RDH8: variants seen among roughly 807,000 people sequenced by gnomAD.
RDH8 encodes the protein photoreceptor outer segment all-trans retinol dehydrogenase.
Under a neutral mutation model 22.3 loss-of-function variants are expected in RDH8, and 14 were observed. The ratio of observed to expected loss-of-function variants is 0.63; its 90% confidence interval spans 0.42 to 0.98. RDH8 has a LOEUF of 0.98. Ranked by LOEUF, RDH8 falls within the 50% of genes least tolerant of loss-of-function variation. The probability of loss-of-function intolerance (pLI) is 0.00; values close to 1 mark genes in which losing one functional copy is unlikely to be tolerated. For missense variants in RDH8, 389 were observed against 409.8 expected (o/e 0.95, Z 0.44); for synonymous variants, 175 against 171.7 (o/e 1.02, Z -0.15).
rs1236748555 is a variant in RDH8, at chr19:10,021,973, G to T, written c.*224G>T. 3 of 580,366 alleles carry T rather than the reference G, an allele frequency of 5.2e-6. No individual in the cohort carries two copies. The highest frequency in any genetic ancestry group is 9.0e-6 in the Non-Finnish European group (3 of 332,502). 36.0% of individuals were successfully genotyped at this position (580,366 alleles called of 1,614,324 possible). A position where few individuals can be genotyped will look rare whatever the true frequency, so the allele number is the denominator to read the frequency against. ...GAGAGGGACCCTGGGAACTTGGCCT[G>T]GGAAGCCCAGAGCAGGAAGCCACAG... On this transcript the variant is annotated 3_prime_UTR_variant, in exon 6 of 6. Coordinates refer to ENST00000591589, the MANE Select transcript of RDH8 (RefSeq NM_015725.4).
intron 1 of RDH8, among the ~76,000 whole-genome samples, chr19:10,015,452 C>CAATA (rs988179209): frequency 2.6e-5 from 4 of 151,112 alleles, no homozygotes; most frequent in African/African-American, 2.4e-5. Context: ...GACTCTGTCT[C>CAATA]AATAAATAAA....
At chr19:10,017,773 G>A (rs1305343744) in intron 2 of RDH8, among the ~76,000 whole-genome samples, 1 of 151,516 alleles carries the variant, frequency 6.6e-6, no homozygotes, top group Non-Finnish European at 1.5e-5. Flanking sequence ...CGCCTCCTGA[G>A]TAGCTGGGAT....
Position 10,018,795 on chromosome 19 carries a change from T to C in RDH8, c.327T>C (p.Asn109=), listed in dbSNP as rs1208676840. The change falls in exon 3 of 6, where the codon AAT becomes AAC. Residue 109 remains asparagine, a synonymous_variant. Transcript: ENST00000591589. The stretch of plus-strand genomic sequence containing the variant: ...GGCTCAGCCTTGCTGCCATGCAGAA[T>C]GTCTTTGACACCAACTTTTTCGGAG... ...LEGLSLAAMQ[N]VFDTNFFGAV... is the part of the protein sequence containing the mutation. 4 of 1,614,020 alleles carry C rather than the reference T, an allele frequency of 2.5e-6. No individual in the cohort carries two copies. The highest frequency in any genetic ancestry group is 2.2e-5 in the East Asian group (1 of 44,874).
chr19:10,014,062 A>G (rs1362749940), intron 1 of RDH8, among the ~76,000 whole-genome samples: 1 of 152,108 alleles, frequency 6.6e-6, no homozygotes, highest in Non-Finnish European at 1.5e-5. Context: ...TTACTGAGAT[A>G]AGCTTCTTAA....
chr19:10,018,654 G>C (rs2087636963), intron 2 of RDH8, 77 bp from the exon 3 acceptor site: 2 of 1,205,356 alleles, frequency 1.7e-6, no homozygotes, highest in South Asian at 3.1e-5. Context: ...ACGGGGTGAG[G>C]TGCTTCAGGG....
chr19:10,015,971 T>A (rs1357722299), intron 1 of RDH8, among the ~76,000 whole-genome samples: 1 of 151,518 alleles, frequency 6.6e-6, no homozygotes, highest in East Asian at 1.9e-4. Context: ...AAAAAATATA[T>A]ATATATATAT....
chr19:10,020,628 C>T (rs2087651018), intron 3 of RDH8, 81 bp from the exon 4 acceptor site: 1 of 836,130 alleles, frequency 1.2e-6, no homozygotes, highest in Non-Finnish European at 2.0e-6. Context: ...TGCTCTGTCT[C>T]CCAAAGACCC....
In RDH8 at chr19:10,018,235, T is replaced by G. The variant is rs78789198; in HGVS notation, c.263-496T>G. Among the ~76,000 whole-genome samples, 406 of 152,336 alleles carry G rather than the reference T, an allele frequency of 2.7e-3. 1 individual carries two copies. Among genetic ancestry groups the G allele is most frequent in the African/African-American group, 9.4e-3 (391 of 41,568 alleles). On this transcript the variant is annotated intron_variant, in intron 2 of 5. Coordinates refer to ENST00000591589, the MANE Select transcript of RDH8 (RefSeq NM_015725.4). ...CTGAGATTACAGGCATGAGCCACCATGCCCAGCTCAAAAATCAATTTTTTT... is the reference window on the plus strand; with the variant it reads ...CTGAGATTACAGGCATGAGCCACCAGGCCCAGCTCAAAAATCAATTTTTTT...
intron 1 of RDH8, among the ~76,000 whole-genome samples, chr19:10,015,507 T>A (rs1294114566): frequency 6.6e-6 from 1 of 151,966 alleles, no homozygotes; most frequent in African/African-American, 2.4e-5. Context: ...GCAGTGCCTA[T>A]AATCCCAGCT....
intron 1 of RDH8, 21 bp from the exon 2 acceptor site, chr19:10,017,036 G>A: frequency 1.3e-6 from 2 of 1,527,180 alleles, no homozygotes; most frequent in Non-Finnish European, 8.8e-7. Flanking sequence ...GCCTGTCCCT[G>A]CTTTACTCTC....
Position 10,013,579 on chromosome 19 carries a change from G to A in RDH8, c.82G>A (p.Asp28Asn), listed in dbSNP as rs1466359719. ...GGAACTTGCAGTGCAACTGGCCCAT[G>A]ACCCCAAGAAGCGCTACCAGGGTAA... ...GLELAVQLAH[D>N]PKKRYQVVAT... Residue 28 changes from aspartate (D) to asparagine (N), a missense_variant, in exon 1 of 6, where the codon GAC becomes AAC. Coordinates refer to ENST00000591589, the MANE Select transcript of RDH8 (RefSeq NM_015725.4). The A allele has an allele frequency of 1.2e-6, 2 of 1,614,008 alleles. No homozygotes were observed. Among genetic ancestry groups the A allele is most frequent in the Non-Finnish European group, 1.7e-6 (2 of 1,180,036 alleles).
intron 1 of RDH8, among the ~76,000 whole-genome samples, chr19:10,015,741 G>A (rs1483207564): frequency 1.3e-5 from 2 of 151,738 alleles, no homozygotes; most frequent in Non-Finnish European, 2.9e-5. Context: ...CCTGAGGTTC[G>A]AGACCAGGCT....
chr19:10,020,911 C>T, intron 4 of RDH8, 109 bp downstream of exon 4: 1 of 806,926 alleles, frequency 1.2e-6, no homozygotes, highest in South Asian at 1.5e-5. Flanking sequence ...GTGGCTCACA[C>T]CTGTAAGTCC....
At chr19:10,015,105 C>T (rs773041527) in intron 1 of RDH8, among the ~76,000 whole-genome samples, 4 of 152,180 alleles carry the variant, frequency 2.6e-5, no homozygotes, top group African/African-American at 9.7e-5. Context: ...ATATCAAACA[C>T]GTATGCTGGT....
At chr19:10,021,129 A>G (rs2087655026) in intron 4 of RDH8, 126 bp from the exon 5 acceptor site, 1 of 861,240 alleles carries the variant, frequency 1.2e-6, no homozygotes, top group Non-Finnish European at 1.8e-6. Context: ...AGCTATGATC[A>G]TGCCACTGCA....
Position 10,021,873 on chromosome 19 carries a change from C to T in RDH8, c.*124C>T, listed in dbSNP as rs564427131. ...CAAACTCCCCCTCCCCTCCTCTGTGCCTAGACATGGCTAGAATCCCAGAAG... is the reference window on the plus strand; with the variant it reads ...CAAACTCCCCCTCCCCTCCTCTGTGTCTAGACATGGCTAGAATCCCAGAAG... On this transcript the variant is annotated 3_prime_UTR_variant, in exon 6 of 6. Transcript: ENST00000591589. 12 of 1,015,924 alleles carry T rather than the reference C, an allele frequency of 1.2e-5. No homozygotes were observed. In the South Asian group the frequency reaches 1.8e-4, roughly 15 times the overall value. 62.9% of individuals were successfully genotyped at this position (1,015,924 alleles called of 1,614,324 possible).
intron 3 of RDH8, among the ~76,000 whole-genome samples, chr19:10,019,862 C>T (rs2087644877): frequency 6.6e-6 from 1 of 151,718 alleles, no homozygotes; most frequent in East Asian, 1.9e-4. Flanking sequence ...AAACTTTGGC[C>T]AGATGTGGTG....
chr19:10,021,263 T>C lies in RDH8; in HGVS notation c.545T>C (p.Leu182Pro). 1 of 1,614,048 alleles carries C rather than the reference T, an allele frequency of 6.2e-7. No homozygotes were observed. The highest frequency in any genetic ancestry group is 1.7e-5 in the Admixed American group (1 of 60,004). ...CCATGCCTGGTCGCCAGCATCTCCC[T>C]GGTGGAGCCAGGCCCCGTGGTCACC... ...QLLQFNIFIS[L>P]VEPGPVVTEF... Residue 182 changes from leucine (L) to proline (P), a missense_variant, in exon 5 of 6, where the codon CTG becomes CCG. Coordinates refer to ENST00000591589, the MANE Select transcript of RDH8 (RefSeq NM_015725.4).
Position 10,018,825 on chromosome 19 carries a change from C to T in RDH8, c.357C>T (p.Val119=). 1 of 1,613,944 alleles carries T rather than the reference C, an allele frequency of 6.2e-7. No homozygotes were observed. Among genetic ancestry groups the T allele is most frequent in the Non-Finnish European group, 8.5e-7 (1 of 1,179,920 alleles). The change falls in exon 3 of 6, where the codon GTC becomes GTT. Residue 119 remains valine, a synonymous_variant. Coordinates refer to ENST00000591589, the MANE Select transcript of RDH8 (RefSeq NM_015725.4). ...TTGACACCAACTTTTTCGGAGCTGT[C>T]CGTCTCGTCAAAGCTGTGCTTCCAG... ...NVFDTNFFGA[V]RLVKAVLPGM... is the part of the protein sequence containing the mutation.
Sources: gnomAD v4.1 joint callset for allele counts (sites outside exome capture counted in the v4.1 genomes callset) on GRCh38, gnomAD v4.1.1 for gene constraint, MANE v1.5 for transcripts, NCBI Gene and HGNC (gene_info 2026-07-23, HGNC 2026-07-21) for gene names.